Variants in DCUN1D2 observed in about 807,000 individuals in gnomAD.
The protein encoded by DCUN1D2 is DCN1-like protein 2.
Under a neutral mutation model 30.9 loss-of-function variants are expected in DCUN1D2, and 29 were observed. The ratio of observed to expected loss-of-function variants is 0.94; its 90% CI spans 0.70 to 1.28. The LOEUF is 1.28. DCUN1D2 is among the 50% of genes most tolerant of loss of function. The pLI, the probability that DCUN1D2 is intolerant of heterozygous loss-of-function variation, is 0.00. For synonymous variants in DCUN1D2, 121 were observed against 115.3 expected (o/e 1.05, Z -0.32); for missense variants, 325 against 316.9 (o/e 1.03, Z -0.19).
chr13:113,477,752 T>G (rs1306262755), intron 3 of DCUN1D2, among the ~76,000 whole-genome samples: 1 of 151,022 alleles, frequency 6.6e-6, no homozygotes, highest in Non-Finnish European at 1.5e-5. Context: ...ATCAAACCCA[T>G]CTTATGCACT....
chr13:113,464,605 C>T (rs1050189948), intron 4 of DCUN1D2, among the ~76,000 whole-genome samples: 5 of 152,244 alleles, frequency 3.3e-5, no homozygotes, highest in African/African-American at 9.6e-5. Flanking sequence ...GGCAGTTGGA[C>T]GTTGCTGCGG....
At chr13:113,468,344 A>G (rs2044442248) in intron 4 of DCUN1D2, among the ~76,000 whole-genome samples, 1 of 152,158 alleles carries the variant, frequency 6.6e-6, no homozygotes, top group Non-Finnish European at 1.5e-5. Flanking sequence ...TCCAGAGACC[A>G]GAAGTAGAAT....
chr13:113,467,664 A>G (rs1259692237), intron 4 of DCUN1D2, among the ~76,000 whole-genome samples: 1 of 152,198 alleles, frequency 6.6e-6, no homozygotes, highest in Non-Finnish European at 1.5e-5. Context: ...AATGTAAAAA[A>G]AAATATGGTG....
intron 2 of DCUN1D2, 37 bp from the exon 3 acceptor site, chr13:113,480,780 T>C: frequency 6.2e-7 from 1 of 1,606,676 alleles, no homozygotes; most frequent in Non-Finnish European, 8.5e-7. Flanking sequence ...AGTTATACTA[T>C]TTTGAAAAGT....
intron 4 of DCUN1D2, 57 bp downstream of exon 4, chr13:113,474,067 G>A (rs74378879): frequency 0.089 from 140,328 of 1,575,586 alleles, 9,561 homozygotes; most frequent in Admixed American, 0.34. Context: ...TGTTGCTCAC[G>A]TCCACTGAAA....
chr13:113,483,794 TCG>T, intron 2 of DCUN1D2, 44 bp downstream of exon 2: 1 of 1,587,206 alleles, frequency 6.3e-7, no homozygotes, highest in Non-Finnish European at 8.6e-7. Flanking sequence ...CGCAGGCCGC[TCG>T]CGGAGGCCGA....
At chr13:113,478,878 CCTTTAATAAAG>C (rs112706066) in intron 3 of DCUN1D2, 1 of 151,924 alleles carries the variant, frequency 6.6e-6, no homozygotes, top group East Asian at 1.9e-4. Flanking sequence ...ATGTTCTGTG[CCTTTAATAAAG>C]TTTTTTTTTT....
At chr13:113,477,092 T>A (rs1186152741) in intron 3 of DCUN1D2, among the ~76,000 whole-genome samples, 2 of 152,240 alleles carry the variant, frequency 1.3e-5, no homozygotes, top group Non-Finnish European at 2.9e-5. Context: ...AATCTTCCCA[T>A]CTTGTTCTTT....
At chr13:113,478,211 G>C (rs552473046) in intron 3 of DCUN1D2, among the ~76,000 whole-genome samples, 4 of 152,196 alleles carry the variant, frequency 2.6e-5, no homozygotes, top group Non-Finnish European at 5.9e-5. Flanking sequence ...TTAAACTACA[G>C]GCTCAAATTC....
intron 4 of DCUN1D2, among the ~76,000 whole-genome samples, chr13:113,471,282 C>T (rs1444743606): frequency 1.3e-5 from 2 of 149,518 alleles, no homozygotes; most frequent in Non-Finnish European, 3.0e-5. Context: ...ACAGGGGACC[C>T]AACTCCACAG....
At chr13:113,463,995 G>T (rs1483868580) in intron 4 of DCUN1D2, among the ~76,000 whole-genome samples, 1 of 152,098 alleles carries the variant, frequency 6.6e-6, no homozygotes, top group Non-Finnish European at 1.5e-5. Flanking sequence ...GTAAACTGAC[G>T]GCTCTACTTC....
At chr13:113,469,141 C>T (rs1055502504) in intron 4 of DCUN1D2, among the ~76,000 whole-genome samples, 20 of 118,290 alleles carry the variant, frequency 1.7e-4, no homozygotes, top group African/African-American at 6.6e-4. Flanking sequence ...CTACTACACG[C>T]CTGCACACAC....
intron 4 of DCUN1D2, among the ~76,000 whole-genome samples, chr13:113,467,499 C>CA (rs58117378): frequency 0.22 from 29,306 of 131,658 alleles, 3,729 homozygotes; most frequent in African/African-American, 0.4. Flanking sequence ...GACACCACTG[C>CA]AAAAAAAAAA....
Position 113,490,468 on chromosome 13 carries a change from C to G in DCUN1D2, c.3+199G>C. 2.0e-6 allele frequency: 1 copy of G among 512,448 alleles called. No homozygotes were observed. Among genetic ancestry groups the G allele is most frequent in the Non-Finnish European group, 3.0e-6 (1 of 332,924 alleles). The allele number at this position is 512,448 out of a possible 1,614,324, so 31.7% of individuals were successfully genotyped here. A position where few individuals can be genotyped will look rare whatever the true frequency, so the allele number is the denominator to read the frequency against. ...CCCTCGCGGCTCCGGGTCAAACCCG[C>G]GCTCCCCGCGGTCCCGCGCCTCCGA... is the stretch of plus-strand genomic sequence containing the variant. On this transcript the variant is annotated intron_variant, in intron 1 of 6. Transcript: ENST00000478244. The surrounding 1 kb of genome is among the most constrained non-coding windows in gnomAD (Gnocchi z 5.2).
chr13:113,484,088 T>A, intron 1 of DCUN1D2, 32 bp from the exon 2 acceptor site: 2 of 1,610,300 alleles, frequency 1.2e-6, no homozygotes, highest in African/African-American at 2.7e-5. Context: ...GGAAAGCCAA[T>A]GAAGCCGCTC....
chr13:113,487,566 C>T (rs1285009223), intron 1 of DCUN1D2, among the ~76,000 whole-genome samples: 2 of 152,066 alleles, frequency 1.3e-5, no homozygotes, highest in African/African-American at 2.4e-5. Context: ...CGACTCCAGC[C>T]GCACAGTGCA....
At chr13:113,465,272 T>C (rs1484480941) in intron 4 of DCUN1D2, among the ~76,000 whole-genome samples, 1 of 152,176 alleles carries the variant, frequency 6.6e-6, no homozygotes, top group African/African-American at 2.4e-5. Context: ...GTAAATGCCA[T>C]TATTTTAAAA....
chr13:113,474,426 T>A (rs2044577531), intron 3 of DCUN1D2, among the ~76,000 whole-genome samples, 172 bp from the exon 4 acceptor site: 1 of 152,058 alleles, frequency 6.6e-6, no homozygotes, highest in Admixed American at 6.6e-5. Flanking sequence ...TAAGAGAAGA[T>A]GGGGGGGCAA....
intron 2 of DCUN1D2, among the ~76,000 whole-genome samples, chr13:113,482,140 A>C (rs187405871): frequency 9.1e-4 from 139 of 152,342 alleles, no homozygotes; most frequent in Middle Eastern, 6.8e-3. Context: ...TTTTGCAAGT[A>C]CTTGTTCATT....
Sources: allele counts gnomAD v4.1 joint callset (sites outside exome capture counted in the v4.1 genomes callset), GRCh38; gene constraint gnomAD v4.1.1; non-coding constraint Gnocchi (gnomAD v3.1); transcripts MANE v1.5; gene names NCBI Gene and HGNC (gene_info 2026-07-23, HGNC 2026-07-21).